The following CSMD1 variants were observed in gnomAD, a reference collection of about 807,000 sequenced individuals.
CSMD1 encodes the protein CUB and sushi domain-containing protein 1.
Under a neutral mutation model 417.5 loss-of-function variants are expected in CSMD1, and 213 were observed. The observed-to-expected ratio is 0.51, with a 90% CI of 0.46 to 0.57. CSMD1 has a LOEUF of 0.57. Ranked by LOEUF, CSMD1 falls within the 20% of genes least tolerant of loss-of-function variation. The pLI is 0.00. For synonymous variants in CSMD1, 2,862 were observed against 1,736.8 expected (o/e 1.65, Z -16.11); for missense variants, 6,923 against 4,529.7 (o/e 1.53, Z -15.17).
At chr8:4,445,453 C>T (rs1280795184) in intron 2 of CSMD1, among the ~76,000 whole-genome samples, 1 of 152,010 alleles carries the variant, frequency 6.6e-6, no homozygotes, top group Admixed American at 6.5e-5. Context: ...AAATTTATAC[C>T]CTCCAGTGAG....
chr8:3,155,109 A>G (rs1026965631), intron 39 of CSMD1, among the ~76,000 whole-genome samples: 37 of 151,974 alleles, frequency 2.4e-4, no homozygotes, highest in African/African-American at 8.7e-4. Flanking sequence ...TTTTGCAAAT[A>G]TAAGTTAATT....
chr8:3,573,116 G>C (rs1017674596), intron 10 of CSMD1, among the ~76,000 whole-genome samples: 7 of 151,966 alleles, frequency 4.6e-5, no homozygotes, highest in African/African-American at 1.5e-4. Flanking sequence ...TTTATCTTAT[G>C]CTTGTTTCTG....
At chr8:4,724,993 G>C (rs1411990966) in intron 1 of CSMD1, among the ~76,000 whole-genome samples, 2 of 152,044 alleles carry the variant, frequency 1.3e-5, no homozygotes, top group Non-Finnish European at 2.9e-5. Context: ...TTTTGGTTGA[G>C]GGAAAAGTCG....
At chr8:4,973,389 A>T (rs1264193602) in intron 1 of CSMD1, among the ~76,000 whole-genome samples, 2 of 152,198 alleles carry the variant, frequency 1.3e-5, no homozygotes, top group African/African-American at 4.8e-5. Context: ...ATTTACTTAT[A>T]AATACTATTT....
intron 1 of CSMD1, among the ~76,000 whole-genome samples, chr8:4,933,375 G>A (rs753063050): frequency 3.3e-5 from 5 of 152,080 alleles, no homozygotes; most frequent in Admixed American, 6.6e-5. Flanking sequence ...TGTAAGTGCT[G>A]CTTCCTCCTC....
intron 26 of CSMD1, among the ~76,000 whole-genome samples, chr8:3,246,837 T>G (rs1786947162): frequency 6.6e-6 from 1 of 152,252 alleles, no homozygotes; most frequent in Non-Finnish European, 1.5e-5. Context: ...CTGAGAGCTC[T>G]GTCTTTCATG....
rs547769108 is a variant in CSMD1, at chr8:4,835,191, A to T, written c.85+159141T>A. On this transcript the variant is annotated intron_variant, in intron 1 of 69. Coordinates refer to ENST00000635120, the MANE Select transcript of CSMD1 (RefSeq NM_033225.6). The stretch of plus-strand genomic sequence containing the variant: ...TTGGAAATGAAGCGAAGGACAATCA[A>T]GAGGTATTTATTTATTAGCGTCAGA... 5.3e-5 allele frequency among the ~76,000 whole-genome samples: 8 copies of T among 152,124 alleles called. No homozygotes were observed. The South Asian group carries it at 1.7e-3, about 32-fold the overall frequency.
At chr8:4,827,231 A>G (rs1327357942) in intron 1 of CSMD1, among the ~76,000 whole-genome samples, 1 of 152,166 alleles carries the variant, frequency 6.6e-6, no homozygotes, top group Non-Finnish European at 1.5e-5. Flanking sequence ...TATTTTTCAC[A>G]GGTATTTTTG....
At chr8:4,823,516 A>G (rs1284860017) in intron 1 of CSMD1, among the ~76,000 whole-genome samples, 1 of 152,054 alleles carries the variant, frequency 6.6e-6, no homozygotes, top group Non-Finnish European at 1.5e-5. Context: ...CTTGCAATGT[A>G]CCTCATCTAT....
intron 6 of CSMD1, among the ~76,000 whole-genome samples, chr8:3,733,244 A>C (rs1302899244): frequency 8.6e-6 from 1 of 115,758 alleles, no homozygotes; most frequent in African/African-American, 3.3e-5. Flanking sequence ...TATATTACAC[A>C]TATTAATATA....
intron 1 of CSMD1, among the ~76,000 whole-genome samples, chr8:4,671,265 T>G (rs188861971): frequency 3.9e-4 from 59 of 152,352 alleles, no homozygotes; most frequent in African/African-American, 1.4e-3. Flanking sequence ...TTGGTGACTA[T>G]TAGGGCAGGT....
intron 12 of CSMD1, among the ~76,000 whole-genome samples, chr8:3,420,829 T>C (rs1391422396): frequency 6.6e-6 from 1 of 152,176 alleles, no homozygotes; most frequent in Non-Finnish European, 1.5e-5. Flanking sequence ...CACATAAAGA[T>C]GGTACTTGTT....
intron 9 of CSMD1, among the ~76,000 whole-genome samples, chr8:3,585,574 G>C (rs1057171974): frequency 6.6e-5 from 10 of 152,222 alleles, no homozygotes; most frequent in Admixed American, 2.0e-4. Context: ...TAAAAAATAA[G>C]TAATTTAACC....
chr8:3,039,318 CTTCTT>C (rs1810913911), intron 50 of CSMD1, among the ~76,000 whole-genome samples: 1 of 148,746 alleles, frequency 6.7e-6, no homozygotes, highest in African/African-American at 2.5e-5. Context: ...CCCTCCCTTC[CTTCTT>C]TTCCTTTCTT....
At chr8:3,270,776 T>A (rs548555053) in intron 26 of CSMD1, among the ~76,000 whole-genome samples, 8 of 152,164 alleles carry the variant, frequency 5.3e-5, no homozygotes, top group Admixed American at 4.6e-4. Context: ...TCTGTTTTCA[T>A]GCTGCTGATA....
chr8:3,963,989 G>A (rs568724789), intron 5 of CSMD1, among the ~76,000 whole-genome samples: 2 of 152,254 alleles, frequency 1.3e-5, no homozygotes, highest in South Asian at 4.1e-4. Context: ...AACAGAATGA[G>A]TTGAAGCATC....
chr8:3,626,863 CATAA>C (rs1194615976), intron 7 of CSMD1, among the ~76,000 whole-genome samples: 5 of 148,876 alleles, frequency 3.4e-5, no homozygotes, highest in African/African-American at 1.2e-4. Context: ...AGTGTATTTA[CATAA>C]ATACATAAAT....
intron 8 of CSMD1, among the ~76,000 whole-genome samples, chr8:3,611,686 TC>T (rs1047544163): frequency 4.6e-5 from 7 of 152,134 alleles, no homozygotes; most frequent in African/African-American, 1.7e-4. Flanking sequence ...TGCTTTCAGA[TC>T]CTCCTAATGA....
intron 5 of CSMD1, among the ~76,000 whole-genome samples, chr8:3,887,682 G>C (rs969624005): frequency 1.3e-5 from 2 of 152,194 alleles, no homozygotes; most frequent in Admixed American, 6.5e-5. Flanking sequence ...CTATGTATCT[G>C]AGTTACACAG....
Sources: gnomAD v4.1 joint callset for allele counts (sites outside exome capture counted in the v4.1 genomes callset) on GRCh38, gnomAD v4.1.1 for gene constraint, MANE v1.5 for transcripts, NCBI Gene and HGNC (gene_info 2026-07-23, HGNC 2026-07-21) for gene names.